The following PHLDB2 variants were observed in gnomAD, a reference collection of about 807,000 sequenced individuals.
PHLDB2 encodes the protein pleckstrin homology-like domain family B member 2.
A neutral mutation model predicts 123.6 loss-of-function variants in PHLDB2; 71 were observed. The ratio of observed to expected loss-of-function variants is 0.57; its 90% CI spans 0.47 to 0.70. The LOEUF is 0.70. Among genes scored for constraint, PHLDB2 ranks in the 30% least tolerant of loss-of-function variants. PHLDB2 has a pLI of 0.00. For synonymous variants in PHLDB2, 547 were observed against 541.6 expected (o/e 1.01, Z -0.14); for missense variants, 1,446 against 1,519.5 (o/e 0.95, Z 0.80).
At chr3:111,907,394 A>C (rs2067607600) in intron 2 of PHLDB2, among the ~76,000 whole-genome samples, 2 of 152,210 alleles carry the variant, frequency 1.3e-5, no homozygotes, top group African/African-American at 4.8e-5. Flanking sequence ...CCTGTAGGTC[A>C]GAAAGTGTTA....
chr3:111,842,279 T>G (rs2063729042), intron 1 of PHLDB2, among the ~76,000 whole-genome samples: 1 of 152,200 alleles, frequency 6.6e-6, no homozygotes, highest in South Asian at 2.1e-4. Flanking sequence ...TAAAGACTAT[T>G]TTTTGGTTCA....
At position 111,884,889 on chromosome 3, in the gene PHLDB2, G is replaced by C. The variant is rs1576993437; in HGVS notation, c.812G>C (p.Ser271Thr). 1 of 1,614,122 alleles carries C rather than the reference G, an allele frequency of 6.2e-7. No individual in the cohort carries two copies. The highest frequency in any genetic ancestry group is 8.5e-7 in the Non-Finnish European group (1 of 1,180,014). ...RATENQLTPL[S>T]LPPRNSLGNS... is the part of the protein sequence containing the mutation. ...ACAGAGAACCAGCTGACACCTCTCA[G>C]CTTGCCTCCAAGAAACTCTCTGGGC... The change falls in exon 2 of 18, where the codon AGC (serine) becomes ACC (threonine). Residue 271 changes from serine (S) to threonine (T), a missense_variant. This residue lies in a region of PHLDB2 where 832 missense variants were observed against 831.9 expected (regional missense o/e 1.00). Coordinates refer to ENST00000431670, the MANE Select transcript of PHLDB2 (RefSeq NM_001134438.2).
chr3:111,913,883 A>G (rs548598661), intron 3 of PHLDB2, 181 bp downstream of exon 3: 44 of 746,530 alleles, frequency 5.9e-5, no homozygotes, highest in Non-Finnish European at 8.9e-5. Context: ...AAAGTAACAA[A>G]TTTGCACTGT....
rs2072468351 is a variant in PHLDB2 at position 111,975,982 on chromosome 3, T to C, written c.*1419T>C. 1 of 152,668 alleles carries C rather than the reference T, an allele frequency of 6.6e-6. No individual in the cohort carries two copies. Among genetic ancestry groups the C allele is most frequent in the East Asian group, 1.9e-4 (1 of 5,206 alleles). The allele number at this position is 152,668 out of a possible 1,614,324, so 9.5% of individuals were successfully genotyped here. A position where few individuals can be genotyped will look rare whatever the true frequency, so the allele number is the denominator to read the frequency against. ...GATTTTGCAACTGGATGACACAAGA[T>C]TTTACTTGAACAGTGAAGGACAAAA... On this transcript the variant is annotated 3_prime_UTR_variant, in exon 18 of 18. Coordinates refer to ENST00000431670, the MANE Select transcript of PHLDB2 (RefSeq NM_001134438.2).
chr3:111,889,909 C>T (rs565735337), intron 2 of PHLDB2, among the ~76,000 whole-genome samples: 3 of 152,146 alleles, frequency 2.0e-5, no homozygotes, highest in East Asian at 1.9e-4. Context: ...CACCCTGCCC[C>T]CAGGTAGAAA....
At chr3:111,807,565 A>T (rs1276985495) in intron 1 of PHLDB2, among the ~76,000 whole-genome samples, 1 of 152,090 alleles carries the variant, frequency 6.6e-6, no homozygotes, top group Non-Finnish European at 1.5e-5. Flanking sequence ...ACAAAAAAAT[A>T]AAAATTTAAA....
chr3:111,973,913 A>T, intron 17 of PHLDB2, 96 bp downstream of exon 17: 1 of 720,438 alleles, frequency 1.4e-6, no homozygotes, highest in African/African-American at 1.8e-5. Context: ...TGATGTTCTG[A>T]TGTAACAGAT....
chr3:111,841,608 G>A (rs1297587860), intron 1 of PHLDB2, among the ~76,000 whole-genome samples: 1 of 152,134 alleles, frequency 6.6e-6, no homozygotes, highest in Non-Finnish European at 1.5e-5. Flanking sequence ...GTTTTCTCTG[G>A]GTTGGGCTCT....
In PHLDB2 at chr3:111,739,583, A is replaced by C. The variant is rs796554229; in HGVS notation, c.-49+6880A>C. ...CACCTCTTCTGAAGTTAAAAAAAAA[A>C]AAAACAAAACAAACAAAAAAAAAAA... On this transcript the variant is annotated intron_variant, in intron 1 of 17. Coordinates refer to the PHLDB2 transcript ENST00000393923. Among the ~76,000 whole-genome samples the C allele has an allele frequency of 9.7e-3, 774 of 79,412 alleles. 14 individuals are homozygous for C. Among genetic ancestry groups the C allele is most frequent in the African/African-American group, 0.021 (665 of 31,734 alleles). The allele number at this position is 79,412 out of a possible 152,430, so 52.1% of individuals were successfully genotyped here.
rs144161229 is a variant in PHLDB2 at position 111,742,149 on chromosome 3, G to T, written c.-49+9446G>T. On this transcript the variant is annotated intron_variant, in intron 1 of 17. Coordinates refer to the PHLDB2 transcript ENST00000393923. ...TGTTCCCCTAAAGGGATTGGTTGAG[G>T]GTCACCATATTTTCTCTTTTAACCA... 6.5e-3 allele frequency among the ~76,000 whole-genome samples: 988 copies of T among 152,062 alleles called. 4 individuals are homozygous for T. The highest frequency in any genetic ancestry group is 8.8e-3 in the Non-Finnish European group (601 of 67,992).
chr3:111,771,887 G>T (rs1038339115), intron 1 of PHLDB2, among the ~76,000 whole-genome samples: 26 of 152,122 alleles, frequency 1.7e-4, no homozygotes, highest in Non-Finnish European at 3.5e-4. Flanking sequence ...TTCTTAAATG[G>T]AATCTCCTAA....
intron 1 of PHLDB2, among the ~76,000 whole-genome samples, chr3:111,768,296 A>T (rs2060116487): frequency 6.6e-6 from 1 of 152,206 alleles, no homozygotes; most frequent in Admixed American, 6.5e-5. Flanking sequence ...TCAAACAAAA[A>T]ATCCTGTTGA....
chr3:111,852,453 T>C (rs1012887249), intron 2 of PHLDB2, among the ~76,000 whole-genome samples: 1 of 150,680 alleles, frequency 6.6e-6, no homozygotes, highest in Non-Finnish European at 1.5e-5. Flanking sequence ...AATATAATTA[T>C]CTTTATGTAT....
intron 2 of PHLDB2, among the ~76,000 whole-genome samples, chr3:111,901,017 C>T (rs988041309): frequency 8.5e-5 from 13 of 152,052 alleles, no homozygotes; most frequent in African/African-American, 2.9e-4. Flanking sequence ...CCACTGTGCC[C>T]AGCCCTCTTT....
chr3:111,778,060 G>A (rs1485692166), intron 1 of PHLDB2, among the ~76,000 whole-genome samples: 1 of 151,942 alleles, frequency 6.6e-6, no homozygotes, highest in African/African-American at 2.4e-5. Flanking sequence ...ACTGCCCCTT[G>A]GGCACTCATA....
At chr3:111,923,353 A>C (rs969193512) in intron 5 of PHLDB2, among the ~76,000 whole-genome samples, 4 of 152,114 alleles carry the variant, frequency 2.6e-5, no homozygotes, top group South Asian at 4.1e-4. Flanking sequence ...GCCTCTGTGT[A>C]CCACAATCTT....
intron 1 of PHLDB2, among the ~76,000 whole-genome samples, chr3:111,749,086 C>G (rs1317432889): frequency 7.1e-6 from 1 of 141,582 alleles, no homozygotes. Flanking sequence ...AAAATCCTTC[C>G]AGAACAAGAG....
intron 8 of PHLDB2, among the ~76,000 whole-genome samples, chr3:111,944,497 C>G (rs771305493): frequency 1.3e-5 from 2 of 151,878 alleles, no homozygotes; most frequent in Admixed American, 6.5e-5. Flanking sequence ...GAATCATAGA[C>G]AAATGTAAAA....
intron 15 of PHLDB2, 73 bp from the exon 16 acceptor site, chr3:111,969,617 G>A (rs1423656652): frequency 9.0e-6 from 11 of 1,224,208 alleles, no homozygotes; most frequent in Admixed American, 2.0e-5. Context: ...GTTAATTTCT[G>A]CTTCTAAACA....
Sources: allele counts gnomAD v4.1 joint callset (sites outside exome capture counted in the v4.1 genomes callset), GRCh38; gene constraint gnomAD v4.1.1; regional missense constraint gnomAD v4.1.1; transcripts MANE v1.5; gene names NCBI Gene and HGNC (gene_info 2026-07-23, HGNC 2026-07-21).